MACROD2: variants seen among roughly 807,000 people sequenced by gnomAD.
MACROD2 encodes the protein mono-ADP ribosylhydrolase 2, also known as ADP-ribose glycohydrolase MACROD2.
A neutral mutation model predicts 70.4 loss-of-function variants in MACROD2; 36 were observed. That is an observed-to-expected ratio of 0.51 (90% CI 0.39 to 0.68). MACROD2 has a LOEUF of 0.68. Ranked by LOEUF, MACROD2 falls within the 30% of genes least tolerant of loss-of-function variation. MACROD2 has a pLI of 0.00. For synonymous variants in MACROD2, 172 were observed against 178.8 expected (o/e 0.96, Z 0.30); for missense variants, 496 against 538.4 (o/e 0.92, Z 0.78).
chr20:15,525,512 G>A (rs1305934792), intron 8 of MACROD2, among the ~76,000 whole-genome samples: 1 of 152,228 alleles, frequency 6.6e-6, no homozygotes, highest in Non-Finnish European at 1.5e-5. Context: ...GTGCCATGGT[G>A]AGATTCAGAA....
chr20:15,811,087 G>A (rs1172755161), intron 8 of MACROD2, among the ~76,000 whole-genome samples: 2 of 151,874 alleles, frequency 1.3e-5, no homozygotes, highest in East Asian at 3.9e-4. Flanking sequence ...ATTGACAAAT[G>A]GGATCTAATT....
intron 2 of MACROD2, among the ~76,000 whole-genome samples, chr20:14,022,676 T>C (rs186561124): frequency 5.8e-4 from 88 of 152,286 alleles, no homozygotes; most frequent in African/African-American, 2.0e-3. Context: ...CTTCCACTTA[T>C]GAGTGAGAAC....
chr20:14,103,003 T>C (rs1601226978), intron 3 of MACROD2, among the ~76,000 whole-genome samples: 1 of 152,318 alleles, frequency 6.6e-6, no homozygotes, highest in East Asian at 1.9e-4. Flanking sequence ...GCTTTTGTAA[T>C]GTGTTAAATT....
chr20:15,459,810 G>A (rs1437518099), intron 7 of MACROD2, among the ~76,000 whole-genome samples: 2 of 151,816 alleles, frequency 1.3e-5, no homozygotes, highest in African/African-American at 4.8e-5. Context: ...CTCAGCATTT[G>A]TCCTTGTTTT....
At chr20:14,879,605 T>G (rs921829909) in intron 5 of MACROD2, among the ~76,000 whole-genome samples, 1 of 152,162 alleles carries the variant, frequency 6.6e-6, no homozygotes, top group African/African-American at 2.4e-5. Context: ...GCTTTGTTAG[T>G]CCTTTCATAG....
chr20:15,542,197 G>A (rs2047966702), intron 8 of MACROD2, among the ~76,000 whole-genome samples: 1 of 152,296 alleles, frequency 6.6e-6, no homozygotes, highest in South Asian at 2.1e-4. Flanking sequence ...TCATATCCCA[G>A]CTCAGCCAGC....
chr20:15,270,756 A>G (rs1419131733), intron 6 of MACROD2, among the ~76,000 whole-genome samples: 2 of 152,150 alleles, frequency 1.3e-5, no homozygotes, highest in Non-Finnish European at 2.9e-5. Context: ...CAGAATATTT[A>G]TAGTACCCCA....
intron 8 of MACROD2, among the ~76,000 whole-genome samples, chr20:15,696,564 G>C (rs915608892): frequency 1.3e-5 from 2 of 151,918 alleles, no homozygotes; most frequent in African/African-American, 4.8e-5. Flanking sequence ...TTCATAGAAT[G>C]AATTAGGGAG....
intron 8 of MACROD2, among the ~76,000 whole-genome samples, chr20:15,860,501 A>G (rs911527780): frequency 1.6e-4 from 25 of 152,314 alleles, no homozygotes; most frequent in African/African-American, 5.8e-4. Flanking sequence ...AAGTAGTTCA[A>G]TGTGGCTTGA....
chr20:14,359,022 A>G (rs1225227864), intron 3 of MACROD2, among the ~76,000 whole-genome samples: 1 of 152,012 alleles, frequency 6.6e-6, no homozygotes, highest in African/African-American at 2.4e-5. Flanking sequence ...CCTCATCTCT[A>G]CAAAAAATTT....
At chr20:14,235,944 T>C (rs2081865979) in intron 3 of MACROD2, among the ~76,000 whole-genome samples, 1 of 152,130 alleles carries the variant, frequency 6.6e-6, no homozygotes, top group Non-Finnish European at 1.5e-5. Flanking sequence ...TTTTTTTAAT[T>C]ATAACTGACA....
At chr20:14,999,336 C>T (rs537969472) in intron 5 of MACROD2, among the ~76,000 whole-genome samples, 5 of 152,276 alleles carry the variant, frequency 3.3e-5, no homozygotes, top group African/African-American at 1.2e-4. Context: ...ATAACAAGAA[C>T]AACTTTTCAA....
intron 5 of MACROD2, among the ~76,000 whole-genome samples, chr20:14,971,451 G>C (rs562744871): frequency 2.4e-4 from 27 of 111,468 alleles, no homozygotes; most frequent in African/African-American, 7.3e-4. Flanking sequence ...GGTAAAGGGA[G>C]GGGGGGGACT....
chr20:15,862,655 C>T, intron 8 of MACROD2, 90 bp from the exon 9 acceptor site: 5 of 1,014,674 alleles, frequency 4.9e-6, no homozygotes, highest in African/African-American at 1.6e-5. Flanking sequence ...TGTATGAGGC[C>T]TTTCCATTTG....
intron 6 of MACROD2, among the ~76,000 whole-genome samples, chr20:15,363,898 A>G (rs1175159893): frequency 6.6e-6 from 1 of 152,200 alleles, no homozygotes; most frequent in African/African-American, 2.4e-5. Context: ...TACAAGCTAC[A>G]AGGAATAGCA....
At chr20:15,186,721 A>G (rs1198786463) in intron 5 of MACROD2, among the ~76,000 whole-genome samples, 2 of 152,186 alleles carry the variant, frequency 1.3e-5, no homozygotes, top group African/African-American at 4.8e-5. Flanking sequence ...TATGTCCTTC[A>G]ATGATGAATG....
At chr20:15,617,679 C>T (rs1460947614) in intron 8 of MACROD2, among the ~76,000 whole-genome samples, 1 of 152,178 alleles carries the variant, frequency 6.6e-6, no homozygotes, top group Non-Finnish European at 1.5e-5. Flanking sequence ...ATAGGCATAT[C>T]AACTACGTGC....
chr20:15,373,083 T>C (rs963670266), intron 6 of MACROD2, among the ~76,000 whole-genome samples: 1 of 152,114 alleles, frequency 6.6e-6, no homozygotes, highest in African/African-American at 2.4e-5. Context: ...ATAACAATTT[T>C]ATAAAATTAT....
chr20:15,718,485 G>A (rs1390546939), intron 8 of MACROD2, among the ~76,000 whole-genome samples: 1 of 152,202 alleles, frequency 6.6e-6, no homozygotes, highest in Admixed American at 6.5e-5. Context: ...TTCAGGAATA[G>A]GTAGTATTTG....
Sources: allele counts gnomAD v4.1 joint callset (sites outside exome capture counted in the v4.1 genomes callset), GRCh38; gene constraint gnomAD v4.1.1; transcripts MANE v1.5; gene names NCBI Gene and HGNC (gene_info 2026-07-23, HGNC 2026-07-21).